Variants in ATP6V1H observed in about 807,000 individuals in gnomAD.
ATP6V1H encodes ATPase H+ transporting V1 subunit H, also known as V-type proton ATPase subunit H.
ATP6V1H carries 39 observed loss-of-function variants against 71.7 expected under a neutral mutation model. The ratio of observed to expected loss-of-function variants is 0.54; its 90% CI spans 0.42 to 0.71. The LOEUF is 0.71. Ranked by LOEUF, ATP6V1H falls within the 30% of genes least tolerant of loss-of-function variation. ATP6V1H has a pLI of 0.00. For missense variants in ATP6V1H, 509 were observed against 594.9 expected (o/e 0.86, Z 1.50); for synonymous variants, 192 against 199.3 (o/e 0.96, Z 0.31).
At chr8:53,827,725 C>A (rs776621397) in intron 4 of ATP6V1H, among the ~76,000 whole-genome samples, 4 of 151,964 alleles carry the variant, frequency 2.6e-5, no homozygotes, top group Non-Finnish European at 4.4e-5. Context: ...AAGCCTAGTA[C>A]CCAATAGTTA....
chr8:53,839,493 G>C (rs1811276511), intron 2 of ATP6V1H: 1 of 607,284 alleles, frequency 1.6e-6, no homozygotes, highest in African/African-American at 2.0e-5. Flanking sequence ...AGTCATCCAA[G>C]ACTTCTCTTT....
chr8:53,725,955 A>C (rs998307175), intron 13 of ATP6V1H, among the ~76,000 whole-genome samples: 2 of 152,224 alleles, frequency 1.3e-5, no homozygotes, highest in Non-Finnish European at 2.9e-5. Context: ...TAGTGGGAAA[A>C]AACTAGGCAA....
chr8:53,827,512 C>T (rs1435391741), intron 4 of ATP6V1H, among the ~76,000 whole-genome samples: 1 of 137,740 alleles, frequency 7.3e-6, no homozygotes, highest in Non-Finnish European at 1.5e-5. Context: ...GAAACTTGAA[C>T]ACAGTATTCT....
intron 6 of ATP6V1H, among the ~76,000 whole-genome samples, chr8:53,812,320 T>C (rs1305382672): frequency 1.3e-5 from 2 of 152,162 alleles, no homozygotes; most frequent in Non-Finnish European, 2.9e-5. Context: ...CACTCTGTGA[T>C]AAAAAAGAGT....
intron 11 of ATP6V1H, among the ~76,000 whole-genome samples, chr8:53,762,118 G>C (rs534694699): frequency 1.2e-4 from 18 of 152,206 alleles, no homozygotes; most frequent in Admixed American, 4.6e-4. Flanking sequence ...TAGTTTCTCA[G>C]CTACCAAGAA....
intron 10 of ATP6V1H, among the ~76,000 whole-genome samples, chr8:53,770,923 A>C (rs1438742535): frequency 6.6e-6 from 1 of 152,222 alleles, no homozygotes; most frequent in Non-Finnish European, 1.5e-5. Context: ...GAAATATTTG[A>C]AAATCTAGAA....
intron 13 of ATP6V1H, among the ~76,000 whole-genome samples, chr8:53,734,932 C>T (rs917229460): frequency 3.9e-5 from 6 of 152,162 alleles, no homozygotes; most frequent in Non-Finnish European, 8.8e-5. Context: ...GCCACAACTG[C>T]GAGGAGCCAC....
intron 7 of ATP6V1H, among the ~76,000 whole-genome samples, chr8:53,804,797 T>C (rs745737186): frequency 6.6e-6 from 1 of 152,246 alleles, no homozygotes; most frequent in East Asian, 1.9e-4. Context: ...CAACATGCAC[T>C]TTCTATACAG....
chr8:53,760,285 G>A (rs1319930752), intron 11 of ATP6V1H, among the ~76,000 whole-genome samples: 1 of 152,180 alleles, frequency 6.6e-6, no homozygotes, highest in Non-Finnish European at 1.5e-5. Context: ...CAACTGATAA[G>A]GGAAAAATGC....
intron 2 of ATP6V1H, among the ~76,000 whole-genome samples, chr8:53,835,004 T>A (rs1449422049): frequency 1.3e-5 from 2 of 151,858 alleles, no homozygotes; most frequent in Non-Finnish European, 2.9e-5. Context: ...CAAAATAAGT[T>A]GGGTGTGGTG....
At chr8:53,839,201 G>A (rs988589525) in intron 2 of ATP6V1H, among the ~76,000 whole-genome samples, 6 of 152,154 alleles carry the variant, frequency 3.9e-5, no homozygotes, top group South Asian at 2.1e-4. Context: ...AACGTTAGGC[G>A]GAGCTCTGGC....
At chr8:53,827,631 C>G (rs1273871969) in intron 4 of ATP6V1H, among the ~76,000 whole-genome samples, 4 of 151,930 alleles carry the variant, frequency 2.6e-5, no homozygotes, top group Non-Finnish European at 4.4e-5. Flanking sequence ...ATTTTAGGTT[C>G]AGGGGTACAT....
chr8:53,821,475 T>C (rs1366254692), intron 4 of ATP6V1H, among the ~76,000 whole-genome samples: 1 of 151,828 alleles, frequency 6.6e-6, no homozygotes, highest in East Asian at 1.9e-4. Flanking sequence ...GAGGCCAGTA[T>C]TTCGAGACCA....
intron 8 of ATP6V1H, among the ~76,000 whole-genome samples, chr8:53,798,928 C>CTAAGGTATTTTAGAATACTAAGG (rs1809828328): frequency 6.6e-6 from 1 of 152,096 alleles, no homozygotes; most frequent in Non-Finnish European, 1.5e-5. Flanking sequence ...TACTAAGGTA[C>CTAAGGTATTTTAGAATACTAAGG]TAGCCATCAG....
chr8:53,725,250 C>T lies in ATP6V1H; in HGVS notation c.1392-9226G>A, dbSNP rs535630750. On this transcript the variant is annotated intron_variant, in intron 13 of 13. Coordinates refer to ENST00000359530, the MANE Select transcript of ATP6V1H (RefSeq NM_015941.4). Reference sequence around the variant, plus strand: ...GCTTTATTAGAAGAGGAAGAGAGACCTGAGCTAGCATGAGCGGGCACTCAG... The same window carrying T: ...GCTTTATTAGAAGAGGAAGAGAGACTTGAGCTAGCATGAGCGGGCACTCAG... Among the ~76,000 whole-genome samples the T allele has an allele frequency of 2.6e-4, 40 of 152,140 alleles. 1 individual carries two copies. In the South Asian group the frequency reaches 6.9e-3, roughly 26 times the overall value.
intron 4 of ATP6V1H, among the ~76,000 whole-genome samples, chr8:53,818,204 T>A (rs1190766339): frequency 2.6e-5 from 4 of 152,174 alleles, no homozygotes; most frequent in Non-Finnish European, 5.9e-5. Context: ...TTTTTAAAAA[T>A]TTTTTTACTA....
chr8:53,791,880 G>T (rs774350779), intron 9 of ATP6V1H, among the ~76,000 whole-genome samples: 6 of 152,134 alleles, frequency 3.9e-5, no homozygotes, highest in Non-Finnish European at 7.3e-5. Context: ...CTGTGTCCCC[G>T]AATAATTAGC....
At chr8:53,782,088 G>C (rs558921190) in intron 9 of ATP6V1H, among the ~76,000 whole-genome samples, 9 of 152,282 alleles carry the variant, frequency 5.9e-5, no homozygotes, top group Admixed American at 5.9e-4. Flanking sequence ...AAAGTCATTG[G>C]TAGCTTGATG....
At chr8:53,825,277 T>C in intron 4 of ATP6V1H, among the ~76,000 whole-genome samples, 1 of 152,138 alleles carries the variant, frequency 6.6e-6, no homozygotes, top group East Asian at 1.9e-4. Context: ...CTTCAAGCGA[T>C]CCTCCCACCT....
Sources: gnomAD v4.1 joint callset for allele counts (sites outside exome capture counted in the v4.1 genomes callset) on GRCh38, gnomAD v4.1.1 for gene constraint, MANE v1.5 for transcripts, NCBI Gene and HGNC (gene_info 2026-07-23, HGNC 2026-07-21) for gene names.